Variants in CDH20 observed in about 807,000 individuals in gnomAD.
CDH20 encodes cadherin 20, also known as cadherin-20.
A neutral mutation model predicts 74.2 loss-of-function variants in CDH20; 29 were observed. That is an observed-to-expected ratio of 0.39 (90% CI 0.29 to 0.53). The LOEUF (loss-of-function observed/expected upper bound fraction) is 0.53, where lower values mean the gene tolerates loss of function less well. Among genes scored for constraint, CDH20 ranks in the 20% least tolerant of loss-of-function variants. The probability of loss-of-function intolerance (pLI) is 0.69; values close to 1 mark genes in which losing one functional copy is unlikely to be tolerated. For missense variants in CDH20, 988 were observed against 1,048.3 expected, an observed-to-expected ratio of 0.94 and a Z score of 0.79; for synonymous variants, 469 against 405.4, an observed-to-expected ratio of 1.16 and a Z score of -1.88.
intron 1 of CDH20, among the ~76,000 whole-genome samples, chr18:61,481,320 AG>A: frequency 2.0e-5 from 3 of 152,350 alleles, no homozygotes; most frequent in Middle Eastern, 6.8e-3. Flanking sequence ...CTTAATCTAT[AG>A]TATTAGGTCG....
chr18:61,351,629 G>T (rs913615883), intron 1 of CDH20, among the ~76,000 whole-genome samples: 3 of 150,364 alleles, frequency 2.0e-5, no homozygotes, highest in African/African-American at 7.3e-5. Flanking sequence ...AAAAATAACT[G>T]CAAAGTCTAA....
intron 1 of CDH20, among the ~76,000 whole-genome samples, chr18:61,456,391 A>G (rs1428230152): frequency 6.6e-6 from 1 of 152,218 alleles, no homozygotes; most frequent in Non-Finnish European, 1.5e-5. Context: ...TAAGACCACA[A>G]GATGATGTAC....
At chr18:61,473,371 G>A (rs1312287285) in intron 1 of CDH20, among the ~76,000 whole-genome samples, 1 of 152,086 alleles carries the variant, frequency 6.6e-6, no homozygotes, top group African/African-American at 2.4e-5. Context: ...GAAGAGAAAC[G>A]TTTGCAAAAT....
At chr18:61,496,104 TCTCTCCTCCCTTC>T (rs1405758710) in intron 2 of CDH20, among the ~76,000 whole-genome samples, 3 of 36,260 alleles carry the variant, frequency 8.3e-5, no homozygotes, top group Non-Finnish European at 1.5e-4. Context: ...CCTCTCTCCT[TCTCTCCTCCCTTC>T]CTCTCCCCCT....
chr18:61,395,217 T>C lies in CDH20; in HGVS notation c.-153+61390T>C, dbSNP rs1187096572. 3.3e-5 allele frequency among the ~76,000 whole-genome samples: 5 copies of C among 152,178 alleles called. No individual in the cohort carries two copies. In the South Asian group the frequency reaches 1.0e-3, roughly 32 times the overall value. ...ATGCAGGCTCTGGAGCCAGGCTGTC[T>C]GGGTCTGAGAACTAACAGACTTGAC... On this transcript the variant is annotated intron_variant, in intron 1 of 11. Transcript: ENST00000262717.
At chr18:61,493,508 A>T (rs192743079) in intron 2 of CDH20, among the ~76,000 whole-genome samples, 3 of 152,194 alleles carry the variant, frequency 2.0e-5, no homozygotes, top group Admixed American at 2.0e-4. Context: ...CCTCGTGCAC[A>T]ATTTCTCAAA....
intron 1 of CDH20, among the ~76,000 whole-genome samples, chr18:61,422,552 C>T (rs1198446024): frequency 1.3e-5 from 2 of 152,132 alleles, no homozygotes; most frequent in Admixed American, 1.3e-4. Context: ...AAGAAAACTC[C>T]ACAGTTATAA....
intron 1 of CDH20, among the ~76,000 whole-genome samples, chr18:61,415,192 T>A (rs534114709): frequency 1.3e-5 from 2 of 152,284 alleles, no homozygotes; most frequent in East Asian, 3.9e-4. Context: ...AGCTCCCTAT[T>A]TTCAATTAAC....
intron 8 of CDH20, among the ~76,000 whole-genome samples, chr18:61,538,600 TTGTTTTTGTTTTTGTTTTTGTTTTG>T: frequency 3.3e-5 from 1 of 30,142 alleles, no homozygotes; most frequent in African/African-American, 8.8e-5. Flanking sequence ...TTGTTTGTTT[TTGTTTTTGTTTTTGTTTTTGTTTTG>T]TTTTTTTTTT....
intron 1 of CDH20, among the ~76,000 whole-genome samples, chr18:61,450,526 A>G (rs1438546728): frequency 6.6e-6 from 1 of 152,054 alleles, no homozygotes; most frequent in Non-Finnish European, 1.5e-5. Flanking sequence ...TTCTTCAACT[A>G]TGAAATAGAA....
At chr18:61,425,011 C>T (rs966964533) in intron 1 of CDH20, among the ~76,000 whole-genome samples, 3 of 147,754 alleles carry the variant, frequency 2.0e-5, no homozygotes, top group East Asian at 2.0e-4. Context: ...TCTTCCAGTT[C>T]CTCTCCCTCT....
In CDH20 at chr18:61,503,011, G is replaced by A. The variant is rs1409527249; in HGVS notation, c.720G>A (p.Val240=). Reference sequence around the variant, plus strand: ...GAGAAGCCAAAGAATACTACGAAGTGATTATCCAAGCCAAGGACATGGGAG... The same window carrying A: ...GAGAAGCCAAAGAATACTACGAAGTAATTATCCAAGCCAAGGACATGGGAG... ...MDREAKEYYE[V]IIQAKDMGGQ... Residue 240 remains valine (V), a synonymous_variant, in exon 5 of 12, where the codon GTG becomes GTA. Coordinates refer to ENST00000262717, the MANE Select transcript of CDH20 (RefSeq NM_031891.4). The A allele has an allele frequency of 6.2e-7, 1 of 1,614,006 alleles. No individual in the cohort carries two copies. The highest frequency in any genetic ancestry group is 2.2e-5 in the East Asian group (1 of 44,874).
At chr18:61,411,580 GTATATATATATATATATATA>G (rs145701176) in intron 1 of CDH20, among the ~76,000 whole-genome samples, 66,191 of 149,764 alleles carry the variant, frequency 0.44, 15,272 homozygotes, top group East Asian at 0.63. Context: ...GTGTGTGTGT[GTATATATATATATATATATA>G]TATATATATA....
At chr18:61,396,451 TTC>T (rs894038019) in intron 1 of CDH20, among the ~76,000 whole-genome samples, 3 of 152,120 alleles carry the variant, frequency 2.0e-5, no homozygotes, top group African/African-American at 7.2e-5. Flanking sequence ...GCTTAAAACA[TTC>T]TCTTATACTT....
chr18:61,405,123 A>G, intron 1 of CDH20: 1 of 638,470 alleles, frequency 1.6e-6, no homozygotes, highest in Non-Finnish European at 2.9e-6. Context: ...GTACCCCAGC[A>G]CATGCTTCTC....
intron 1 of CDH20, among the ~76,000 whole-genome samples, chr18:61,369,778 T>C (rs1910969458): frequency 6.6e-6 from 1 of 152,098 alleles, no homozygotes. Flanking sequence ...TGGATGGAGC[T>C]GGAGGCCATT....
chr18:61,397,701 G>A (rs1481409485), intron 1 of CDH20, among the ~76,000 whole-genome samples: 1 of 152,128 alleles, frequency 6.6e-6, no homozygotes, highest in Admixed American at 6.5e-5. Context: ...AAGCCAGCCT[G>A]CCTGGGTTCT....
intron 1 of CDH20, among the ~76,000 whole-genome samples, chr18:61,464,308 A>C (rs536673450): frequency 6.7e-6 from 1 of 149,928 alleles, no homozygotes; most frequent in African/African-American, 2.5e-5. Context: ...GTGGTTTAGC[A>C]AGGTGTTAAA....
chr18:61,438,929 T>G (rs1347954487), intron 1 of CDH20, among the ~76,000 whole-genome samples: 1 of 152,116 alleles, frequency 6.6e-6, no homozygotes, highest in African/African-American at 2.4e-5. Flanking sequence ...GCCATAAATA[T>G]GAATGAAAGC....
Sources: gnomAD v4.1 joint callset for allele counts (sites outside exome capture counted in the v4.1 genomes callset) on GRCh38, gnomAD v4.1.1 for gene constraint, MANE v1.5 for transcripts, NCBI Gene and HGNC (gene_info 2026-07-23, HGNC 2026-07-21) for gene names.